The following PDZD2 variants were observed in gnomAD, a reference collection of about 807,000 sequenced individuals.
PDZD2 encodes PDZ domain-containing protein 2.
In PDZD2, 90 loss-of-function variants were observed where a neutral mutation model predicts 220.7. The observed-to-expected ratio is 0.41, with a 90% CI of 0.34 to 0.49. PDZD2 has a LOEUF of 0.49. Among genes scored for constraint, PDZD2 ranks in the 20% least tolerant of loss-of-function variants. The probability of loss-of-function intolerance (pLI) is 0.28; values close to 1 mark genes in which losing one functional copy is unlikely to be tolerated. For synonymous variants in PDZD2, 1,375 were observed against 1,450.5 expected, an observed-to-expected ratio of 0.95 and a Z score of 1.18; for missense variants, 3,174 against 3,608.5, an observed-to-expected ratio of 0.88 and a Z score of 3.08.
Position 31,995,692 on chromosome 5 carries a change from A to G in PDZD2, c.1095A>G (p.Gln365=). ...KRSPHAIVVT[Q]VKEGGAAHRD... is the part of the protein sequence containing the mutation. ...CACCTCACGCTATCGTTGTCACTCA[A>G]GTGAAGGAAGGAGGTGCCGCTCACA... The change falls in exon 4 of 25, where the codon CAA becomes CAG. Residue 365 remains glutamine (Q), a synonymous_variant. Transcript: ENST00000438447. 1 of 1,613,998 alleles carries G rather than the reference A, an allele frequency of 6.2e-7. No individual in the cohort carries two copies. The highest frequency in any genetic ancestry group is 8.5e-7 in the Non-Finnish European group (1 of 1,180,016).
At position 31,830,205 on chromosome 5, in the gene PDZD2, G is replaced by A. The variant is rs1394942792; in HGVS notation, c.476+30481G>A. On this transcript the variant is annotated intron_variant, in intron 2 of 24. Transcript: ENST00000438447. ...TTTTGAGACGAAGTTTCGCTCTGCC[G>A]CCCAGGCTGGAGTGCAGTGGAGCGA... is the stretch of plus-strand genomic sequence containing the variant. Among the ~76,000 whole-genome samples, 10 of 141,034 alleles carry A rather than the reference G, an allele frequency of 7.1e-5. 1 individual carries two copies. Among genetic ancestry groups the A allele is most frequent in the Non-Finnish European group, 1.2e-4 (8 of 66,382 alleles). 92.5% of individuals were successfully genotyped at this position (141,034 alleles called of 152,430 possible). A position where few individuals can be genotyped will look rare whatever the true frequency, so the allele number is the denominator to read the frequency against.
At chr5:31,801,200 A>G (rs944971015) in intron 2 of PDZD2, among the ~76,000 whole-genome samples, 8 of 152,244 alleles carry the variant, frequency 5.3e-5, no homozygotes, top group East Asian at 1.9e-4. Context: ...GGACTTATGC[A>G]GTAGACACTC....
chr5:31,940,225 G>A lies in PDZD2; in HGVS notation c.477-42930G>A, dbSNP rs1365426937. Among the ~76,000 whole-genome samples the A allele has an allele frequency of 3.3e-5, 5 of 152,186 alleles. No homozygotes were observed. In the South Asian group the frequency reaches 1.0e-3, roughly 32 times the overall value. ...AAGATAGCAACATTCTCCCTCCATG[G>A]ACATGGCAACTGTTCCTTGCAGCAG... On this transcript the variant is annotated intron_variant, in intron 2 of 24. Coordinates refer to ENST00000438447, the MANE Select transcript of PDZD2 (RefSeq NM_178140.4).
At chr5:31,901,428 AAAG>A (rs1447415127) in intron 2 of PDZD2, among the ~76,000 whole-genome samples, 6 of 151,688 alleles carry the variant, frequency 4.0e-5, no homozygotes, top group African/African-American at 4.8e-5. Flanking sequence ...AAAAAAAAAA[AAAG>A]AAGAAGAAAG....
intron 2 of PDZD2, among the ~76,000 whole-genome samples, chr5:31,883,023 C>CAAAA (rs781370177): frequency 0.013 from 617 of 47,802 alleles, 32 homozygotes; most frequent in African/African-American, 0.038. Flanking sequence ...GACTCTGTCT[C>CAAAA]AAAAAAAAAA....
intron 2 of PDZD2, among the ~76,000 whole-genome samples, chr5:31,950,093 C>A (rs1338087950): frequency 6.6e-6 from 1 of 152,170 alleles, no homozygotes; most frequent in Non-Finnish European, 1.5e-5. Flanking sequence ...TCTCTTAATG[C>A]AGTCAAAGAT....
Position 32,058,015 on chromosome 5 carries a change from A to G in PDZD2, c.2112A>G (p.Gly704=). 25 of 1,613,126 alleles carry G rather than the reference A, an allele frequency of 1.5e-5. No individual in the cohort carries two copies. Among genetic ancestry groups the G allele is most frequent in the Non-Finnish European group, 2.1e-5 (25 of 1,179,202 alleles). The change falls in exon 12 of 25, where the codon GGA becomes GGG. Residue 704 remains glycine (G), a synonymous_variant. Transcript: ENST00000438447. The part of the protein sequence containing the change: ...NFNTSGGASA[G]GSDEGSSSSL... Reference sequence around the variant, plus strand: ...ATACCAGTGGGGGAGCCTCAGCGGGAGGTTCCGATGAAGGCAGTTCTTCAT... The same window carrying G: ...ATACCAGTGGGGGAGCCTCAGCGGGGGGTTCCGATGAAGGCAGTTCTTCAT...
rs34901917 is a variant in PDZD2, at chr5:31,802,919, C to CAAAA, written c.476+3214_476+3217dup. 4.0e-3 allele frequency among the ~76,000 whole-genome samples: 226 copies of CAAAA among 56,166 alleles called. 3 individuals are homozygous for CAAAA. The highest frequency in any genetic ancestry group is 9.8e-3 in the Admixed American group (38 of 3,892). 36.8% of individuals were successfully genotyped at this position (56,166 alleles called of 152,430 possible). On this transcript the variant is annotated intron_variant, in intron 2 of 24. Coordinates refer to ENST00000438447, the MANE Select transcript of PDZD2 (RefSeq NM_178140.4). ...TGGGCGACAGAGCAAGACTCTGTCT[C>CAAAA]AAAAAAAAAAAAAAAAAAAAAAGAC... is the stretch of plus-strand genomic sequence containing the variant.
At chr5:31,655,026 A>G (rs936203308) in intron 1 of PDZD2, among the ~76,000 whole-genome samples, 1 of 151,942 alleles carries the variant, frequency 6.6e-6, no homozygotes, top group African/African-American at 2.4e-5. Flanking sequence ...CTCTTCCTTC[A>G]TGTAGCAGAC....
intron 8 of PDZD2, 75 bp from the exon 9 acceptor site, chr5:32,052,536 A>C: frequency 7.5e-7 from 1 of 1,338,084 alleles, no homozygotes; most frequent in Non-Finnish European, 1.1e-6. Context: ...TCAAAGTCTG[A>C]GTGTATTTTT....
chr5:32,052,664 A>G lies in PDZD2; in HGVS notation c.1719A>G (p.Glu573=), dbSNP rs1379151339. The change falls in exon 9 of 25, where the codon GAA becomes GAG. Residue 573 remains glutamate (E), a synonymous_variant. Coordinates refer to ENST00000438447, the MANE Select transcript of PDZD2 (RefSeq NM_178140.4). The stretch of plus-strand genomic sequence containing the variant: ...GCTCCTTAAGCACGACTCAGGTGGA[A>G]TCTCCTTGGAGGCTCATTCGGCCAT... ...STRSLSTTQV[E]SPWRLIRPSV... The G allele has an allele frequency of 6.2e-7, 1 of 1,613,692 alleles. No homozygotes were observed. The highest frequency in any genetic ancestry group is 2.2e-5 in the East Asian group (1 of 44,894).
At chr5:32,001,761 G>A (rs1227122150) in intron 5 of PDZD2, among the ~76,000 whole-genome samples, 1 of 152,222 alleles carries the variant, frequency 6.6e-6, no homozygotes, top group African/African-American at 2.4e-5. Flanking sequence ...GTGAGCCGAT[G>A]TGCTGTTGAT....
rs746683258 is a variant in PDZD2 at position 32,014,939 on chromosome 5, C to CTTTTTTTTTTT, written c.1407+4467_1407+4477dup. On this transcript the variant is annotated intron_variant, in intron 6 of 24. Transcript: ENST00000438447. ...TGGCCAGGATAGTCTCAATCTCTCT[C>CTTTTTTTTTTT]TTTTTTTTTTTTTTTTTTTTGAGAC... Among the ~76,000 whole-genome samples, 2 of 94,020 alleles carry CTTTTTTTTTTT rather than the reference C, an allele frequency of 2.1e-5. 1 individual carries two copies. 61.7% of individuals were successfully genotyped at this position (94,020 alleles called of 152,430 possible).
chr5:32,000,052 C>T lies in PDZD2; in HGVS notation c.1122-87C>T. 8.0e-7 allele frequency: 1 copy of T among 1,243,880 alleles called. No homozygotes were observed. The highest frequency in any genetic ancestry group is 1.3e-5 in the South Asian group (1 of 74,916). 77.1% of individuals were successfully genotyped at this position (1,243,880 alleles called of 1,614,324 possible). The stretch of plus-strand genomic sequence containing the variant: ...TAGCCCAATCTTAACCGTCCCTCCT[C>T]ACAACCCTCCCTAGCTCCAGAAAAT... On this transcript the variant is annotated intron_variant, in intron 4 of 24. Transcript: ENST00000438447. This position sits in a 1 kb window ranked among gnomAD's most constrained non-coding sequence, Gnocchi z 4.5.
intron 2 of PDZD2, among the ~76,000 whole-genome samples, chr5:31,897,197 A>C (rs1741648186): frequency 1.3e-5 from 2 of 152,160 alleles, no homozygotes; most frequent in South Asian, 4.1e-4. Context: ...ATTAGCACCT[A>C]AATCAGTGAA....
At position 31,724,378 on chromosome 5, in the gene PDZD2, G is replaced by A. The variant is rs151284991; in HGVS notation, c.-360-74511G>A. Among the ~76,000 whole-genome samples the A allele has an allele frequency of 9.3e-3, 1,419 of 152,146 alleles. 14 individuals are homozygous for A. The highest frequency in any genetic ancestry group is 0.012 in the Non-Finnish European group (818 of 67,974). On this transcript the variant is annotated intron_variant, in intron 1 of 24. Transcript: ENST00000438447. ...AGCACTTTGGGAGGCCGAGATGGGCGGATCACCTGAGGTTGGGAATTCGAG... is the reference window on the plus strand; with the variant it reads ...AGCACTTTGGGAGGCCGAGATGGGCAGATCACCTGAGGTTGGGAATTCGAG...
At chr5:32,002,968 ACACACACACAC>A (rs2112021064) in intron 5 of PDZD2, among the ~76,000 whole-genome samples, 1 of 72,416 alleles carries the variant, frequency 1.4e-5, no homozygotes, top group Non-Finnish European at 2.7e-5. Flanking sequence ...ACACACACCA[ACACACACACAC>A]CACACACACC....
intron 2 of PDZD2, among the ~76,000 whole-genome samples, chr5:31,819,575 C>T (rs1168381302): frequency 6.7e-6 from 1 of 148,594 alleles, no homozygotes; most frequent in Non-Finnish European, 1.5e-5. Context: ...GAGAGTCGTT[C>T]GAACCTGGGA....
intron 6 of PDZD2, among the ~76,000 whole-genome samples, chr5:32,021,259 T>A (rs1754179634): frequency 6.8e-6 from 1 of 147,956 alleles, no homozygotes; most frequent in African/African-American, 2.5e-5. Context: ...CTTGCCTTGA[T>A]TTTTTTTTTA....
Sources: allele counts gnomAD v4.1 joint callset (sites outside exome capture counted in the v4.1 genomes callset), GRCh38; gene constraint gnomAD v4.1.1; non-coding constraint Gnocchi (gnomAD v3.1); transcripts MANE v1.5; gene names NCBI Gene and HGNC (gene_info 2026-07-23, HGNC 2026-07-21).